The following SLC6A7 variants were observed in gnomAD, a reference collection of about 807,000 sequenced individuals.
SLC6A7 encodes solute carrier family 6 member 7, also known as sodium-dependent proline transporter.
A neutral mutation model predicts 73.1 loss-of-function variants in SLC6A7; 58 were observed. That is an observed-to-expected ratio of 0.79 (90% CI 0.64 to 0.99). The LOEUF (loss-of-function observed/expected upper bound fraction) is 0.99. Ranked by LOEUF, SLC6A7 falls within the 50% of genes least tolerant of loss-of-function variation. The pLI is 0.00. For synonymous variants in SLC6A7, 338 were observed against 338.7 expected, an observed-to-expected ratio of 1.00 and a Z score of 0.02; for missense variants, 783 against 831.4, an observed-to-expected ratio of 0.94 and a Z score of 0.72.
chr5:150,209,132 G>A (rs1009513213), intron 13 of SLC6A7, among the ~76,000 whole-genome samples: 1 of 152,250 alleles, frequency 6.6e-6, no homozygotes, highest in Non-Finnish European at 1.5e-5. Context: ...ACAGGACTGG[G>A]ATTCCCGAAT....
chr5:150,191,151 C>T (rs1474920044), intron 1 of SLC6A7, among the ~76,000 whole-genome samples: 6 of 152,216 alleles, frequency 3.9e-5, no homozygotes, highest in Non-Finnish European at 1.5e-5. Flanking sequence ...CTGCCACTTG[C>T]CTGGTGACTT....
At chr5:150,202,491 A>G (rs761931407) in intron 7 of SLC6A7, 41 bp downstream of exon 7, 2 of 1,610,522 alleles carry the variant, frequency 1.2e-6, no homozygotes, top group Admixed American at 3.3e-5. Flanking sequence ...GGTCCAAAGC[A>G]GGGAGGAGAG....
rs555318153 is a variant in SLC6A7, at chr5:150,190,355, C to G, written c.28C>G (p.Arg10Gly). 11 of 1,502,368 alleles carry G rather than the reference C, an allele frequency of 7.3e-6. No individual in the cohort carries two copies. In the South Asian group the frequency reaches 1.4e-4, roughly 19 times the overall value. The allele number at this position is 1,502,368 out of a possible 1,614,324, so 93.1% of individuals were successfully genotyped here. Residue 10 changes from arginine (R) to glycine (G), a missense_variant, in exon 1 of 14, where the codon CGC (arginine) becomes GGC (glycine). Physicochemically the swap from Arg to Gly is moderately radical, Grantham distance 125. Coordinates refer to ENST00000230671, the MANE Select transcript of SLC6A7 (RefSeq NM_014228.5). ...GAAGAAGCTCCAGGGAGCTCACCTC[C>G]GCAAGGTAGGGCACGAGGGCGGGGG... MKKLQGAHL[R>G]KPVTPDLLMT... is the part of the protein sequence containing the mutation.
intron 13 of SLC6A7, among the ~76,000 whole-genome samples, chr5:150,206,064 G>A (rs569708996): frequency 2.0e-5 from 3 of 152,292 alleles, no homozygotes; most frequent in East Asian, 1.9e-4. Flanking sequence ...CCCTGCCCAC[G>A]CCTAGGGTTT....
Position 150,205,469 on chromosome 5 carries a change from A to G in SLC6A7, c.1547A>G (p.Tyr516Cys), listed in dbSNP as rs1753645897. 1 of 1,606,594 alleles carries G rather than the reference A, an allele frequency of 6.2e-7. No homozygotes were observed. The highest frequency in any genetic ancestry group is 8.5e-7 in the Non-Finnish European group (1 of 1,176,454). Residue 516 changes from tyrosine (Y) to cysteine (C), a missense_variant, in exon 13 of 14, where the codon TAT (tyrosine) becomes TGT (cysteine). Tyr to Cys is a radical substitution (Grantham distance 194). Transcript: ENST00000230671. ...SPATLLALMV[Y>C]SIVKYQPSEY... ...CCCACTCTGCAGGCCCTCATGGTGTATAGCATCGTCAAGTACCAGCCCTCG... is the reference window on the plus strand; with the variant it reads ...CCCACTCTGCAGGCCCTCATGGTGTGTAGCATCGTCAAGTACCAGCCCTCG...
chr5:150,195,539 A>G (rs1017485844), intron 2 of SLC6A7, among the ~76,000 whole-genome samples: 15 of 152,150 alleles, frequency 9.9e-5, no homozygotes, highest in African/African-American at 3.6e-4. Context: ...TGATGACCCT[A>G]TTGGGTAGGC....
intron 1 of SLC6A7, among the ~76,000 whole-genome samples, chr5:150,194,236 T>C (rs1345938137): frequency 1.3e-5 from 2 of 152,116 alleles, no homozygotes; most frequent in African/African-American, 2.4e-5. Context: ...AAGACCATCC[T>C]GGCTAACACG....
At position 150,203,945 on chromosome 5, in the gene SLC6A7, T is replaced by A. The variant is rs1160741213; in HGVS notation, c.1239T>A (p.Asp413Glu). The change falls in exon 10 of 14, where the codon GAT becomes GAA. Residue 413 changes from aspartate to glutamate, a missense_variant. By Grantham distance (45) the Asp-to-Glu change is conservative (BLOSUM62 2). Coordinates refer to ENST00000230671, the MANE Select transcript of SLC6A7 (RefSeq NM_014228.5). ...FLETIVTAVT[D>E]EFPYYLRPKK... ...AGACCATTGTGACAGCTGTGACAGA[T>A]GAGTTCCCATACTACCTGCGGCCCA... The A allele has an allele frequency of 6.2e-7, 1 of 1,613,452 alleles. No individual in the cohort carries two copies. The highest frequency in any genetic ancestry group is 1.3e-5 in the African/African-American group (1 of 74,820).
In SLC6A7 at chr5:150,210,038, G is replaced by C. The variant is rs547102774; in HGVS notation, c.*423G>C. On this transcript the variant is annotated 3_prime_UTR_variant, in exon 14 of 14. Transcript: ENST00000230671. ...ACCCCTCCCTTTTTGGGGGGAGCCT[G>C]TCCCCACACACCTTAGCACAACCAG... is the stretch of plus-strand genomic sequence containing the variant. The C allele has an allele frequency of 1.0e-4, 23 of 222,024 alleles. No homozygotes were observed. The highest frequency in any genetic ancestry group is 4.7e-4 in the African/African-American group (21 of 44,902). 13.8% of individuals were successfully genotyped at this position (222,024 alleles called of 1,614,324 possible).
rs764953105 is a variant in SLC6A7, at chr5:150,197,230, C to G, written c.538C>G (p.Pro180Ala). The G allele has an allele frequency of 2.9e-5, 46 of 1,613,362 alleles. 1 individual carries two copies. The South Asian group carries it at 5.1e-4, about 18-fold the overall frequency. The part of the protein sequence containing the change: ...RVSKDGNGAL[P>A]LNLTCTVSPS... Reference sequence around the variant, plus strand: ...CTCCAAGGACGGCAACGGGGCCCTGCCCCTCAACCTCACCTGCACCGTCAG... The same window carrying G: ...CTCCAAGGACGGCAACGGGGCCCTGGCCCTCAACCTCACCTGCACCGTCAG... Residue 180 changes from proline to alanine, a missense_variant, in exon 4 of 14, where the codon CCC (proline) becomes GCC (alanine). Physicochemically the swap from Pro to Ala is conservative, Grantham distance 27. Transcript: ENST00000230671.
At chr5:150,194,575 T>C (rs1026326505) in intron 1 of SLC6A7, among the ~76,000 whole-genome samples, 153 bp from the exon 2 acceptor site, 2 of 152,164 alleles carry the variant, frequency 1.3e-5, no homozygotes, top group African/African-American at 4.8e-5. Context: ...CTCCTGCATA[T>C]GACAAGGTTA....
At chr5:150,193,124 A>G (rs73279835) in intron 1 of SLC6A7, among the ~76,000 whole-genome samples, 4,606 of 152,306 alleles carry the variant, frequency 0.03, 247 homozygotes, top group African/African-American at 0.11. Flanking sequence ...TACTTTAAAA[A>G]CAGCTCTTCA....
intron 4 of SLC6A7, among the ~76,000 whole-genome samples, chr5:150,197,964 T>C (rs1753121396): frequency 6.6e-6 from 1 of 151,696 alleles, no homozygotes; most frequent in South Asian, 2.1e-4. Context: ...GGAAGGACGT[T>C]GCACTCATCA....
chr5:150,208,119 G>T (rs1324203444), intron 13 of SLC6A7, among the ~76,000 whole-genome samples: 3 of 151,880 alleles, frequency 2.0e-5, no homozygotes, highest in South Asian at 4.2e-4. Context: ...ACAAACCTAA[G>T]TCCTTGTTCT....
In SLC6A7 at chr5:150,204,046, G is replaced by A. The variant is rs1369992238; in HGVS notation, c.1332+8G>A. The A allele has an allele frequency of 1.2e-6, 2 of 1,611,494 alleles. No individual in the cohort carries two copies. The highest frequency in any genetic ancestry group is 1.7e-6 in the Non-Finnish European group (2 of 1,178,810). On this transcript the variant is annotated splice_region_variant and intron_variant, in intron 10 of 13. Transcript: ENST00000230671. ...CTGATCCTCACCACTGATGTGAGTG[G>A]CGCTACAGGGAGGATGGCAGGTGGG...
intron 2 of SLC6A7, among the ~76,000 whole-genome samples, chr5:150,196,013 C>T (rs1448781311): frequency 6.6e-6 from 1 of 152,214 alleles, no homozygotes; most frequent in Non-Finnish European, 1.5e-5. Context: ...TTTAGCAACC[C>T]AAGAGCTTTG....
At position 150,197,223 on chromosome 5, in the gene SLC6A7, G is replaced by T. The variant is rs908339990; in HGVS notation, c.531G>T (p.Gly177=). 7.4e-6 allele frequency: 12 copies of T among 1,613,592 alleles called. No individual in the cohort carries two copies. The African/African-American group carries it at 1.5e-4, about 20-fold the overall frequency. The change falls in exon 4 of 14, where the codon GGG becomes GGT. Residue 177 remains glycine, a synonymous_variant. Transcript: ENST00000230671. The part of the protein sequence containing the change: ...LEHRVSKDGN[G]ALPLNLTCTV... The stretch of plus-strand genomic sequence containing the variant: ...ACAGAGTCTCCAAGGACGGCAACGG[G>T]GCCCTGCCCCTCAACCTCACCTGCA...
chr5:150,190,504 A>T, intron 1 of SLC6A7, 144 bp downstream of exon 1: 1 of 550,344 alleles, frequency 1.8e-6, no homozygotes, highest in Non-Finnish European at 3.1e-6. Flanking sequence ...GCTGGATAAC[A>T]GGGAGGGTCA....
Position 150,204,538 on chromosome 5 carries a change from A to G in SLC6A7, c.1339A>G (p.Met447Val). The G allele has an allele frequency of 6.2e-7, 1 of 1,613,192 alleles. No individual in the cohort carries two copies. The change falls in exon 11 of 14, where the codon ATG becomes GTG. Residue 447 changes from methionine (M) to valine (V), a missense_variant. Transcript: ENST00000230671. The part of the protein sequence containing the change: ...MGLILTTDGG[M>V]YWLVLLDDYS... Reference sequence around the variant, plus strand: ...AACTGTGCTTGTGTTTTAGGGGGGCATGTACTGGCTGGTCCTTCTGGATGA... The same window carrying G: ...AACTGTGCTTGTGTTTTAGGGGGGCGTGTACTGGCTGGTCCTTCTGGATGA...
Sources: allele counts gnomAD v4.1 joint callset (sites outside exome capture counted in the v4.1 genomes callset), GRCh38; gene constraint gnomAD v4.1.1; transcripts MANE v1.5; gene names NCBI Gene and HGNC (gene_info 2026-07-23, HGNC 2026-07-21).